SORCS2: variants seen among roughly 807,000 people sequenced by gnomAD.
SORCS2 encodes the protein sortilin related VPS10 domain containing receptor 2.
SORCS2 carries 100 observed loss-of-function variants against 141.6 expected under a neutral mutation model. The observed-to-expected ratio is 0.71, with a 90% CI of 0.60 to 0.83. The LOEUF (loss-of-function observed/expected upper bound fraction) is 0.83, where lower values mean the gene tolerates loss of function less well. Ranked by LOEUF, SORCS2 falls within the 40% of genes least tolerant of loss-of-function variation. SORCS2 has a pLI of 0.00. For missense variants in SORCS2, 1,646 were observed against 1,560.2 expected, an observed-to-expected ratio of 1.05 and a Z score of -0.93; for synonymous variants, 789 against 676.9, an observed-to-expected ratio of 1.17 and a Z score of -2.57.
At chr4:7,557,392 A>G (rs1170802935) in intron 3 of SORCS2, among the ~76,000 whole-genome samples, 2 of 152,196 alleles carry the variant, frequency 1.3e-5, no homozygotes, top group Admixed American at 6.5e-5. Flanking sequence ...CTGCTCTGGC[A>G]TTTGATTATT....
In SORCS2 at chr4:7,543,671, T is replaced by C. The variant is rs542572078; in HGVS notation, c.648+12042T>C. 2.2e-3 allele frequency among the ~76,000 whole-genome samples: 222 copies of C among 102,744 alleles called. 2 individuals carry two copies. The highest frequency in any genetic ancestry group is 7.6e-3 in the African/African-American group (204 of 26,834). 67.4% of individuals were successfully genotyped at this position (102,744 alleles called of 152,430 possible). A position where few individuals can be genotyped will look rare whatever the true frequency, so the allele number is the denominator to read the frequency against. ...GTCCATCCATCCACCCACCCATCCA[T>C]CCATCCACCCATCCACCCATCCACC... On this transcript the variant is annotated intron_variant, in intron 3 of 26. Transcript: ENST00000507866.
intron 3 of SORCS2, among the ~76,000 whole-genome samples, chr4:7,629,171 A>G (rs535165818): frequency 2.7e-4 from 41 of 152,334 alleles, no homozygotes; most frequent in African/African-American, 9.9e-4. Context: ...TGTGTGTCGT[A>G]TGTATGTATA....
intron 19 of SORCS2, among the ~76,000 whole-genome samples, chr4:7,724,105 AGTGGTGGTGATGGTGGTGGTG>A (rs1248885165): frequency 2.0e-4 from 27 of 136,064 alleles, no homozygotes; most frequent in African/African-American, 7.9e-4. Context: ...TATTGATGAT[AGTGGTGGTGATGGTGGTGGTG>A]GTGGTGGTGG....
intron 1 of SORCS2, among the ~76,000 whole-genome samples, chr4:7,357,470 T>C (rs1001620564): frequency 6.6e-6 from 1 of 152,130 alleles, no homozygotes; most frequent in Non-Finnish European, 1.5e-5. Context: ...CTGCTGGAGC[T>C]CTGGAGATGG....
intron 2 of SORCS2, among the ~76,000 whole-genome samples, chr4:7,447,066 C>A (rs1728048841): frequency 6.6e-6 from 1 of 152,224 alleles, no homozygotes; most frequent in Admixed American, 6.5e-5. Flanking sequence ...CCTTTACTGA[C>A]AAGTACTTTT....
At chr4:7,522,316 T>A (rs565423760) in intron 2 of SORCS2, among the ~76,000 whole-genome samples, 2 of 152,330 alleles carry the variant, frequency 1.3e-5, no homozygotes, top group African/African-American at 2.4e-5. Context: ...AAATCATTTT[T>A]AAGAAGTGAA....
At chr4:7,560,672 T>A (rs1714471045) in intron 3 of SORCS2, among the ~76,000 whole-genome samples, 1 of 152,154 alleles carries the variant, frequency 6.6e-6, no homozygotes, top group South Asian at 2.1e-4. Flanking sequence ...GGGGCTCAGA[T>A]GTCAGGACCA....
chr4:7,313,565 G>GGCTCTTTGGGCCC (rs1398168868), intron 1 of SORCS2, among the ~76,000 whole-genome samples: 2 of 152,202 alleles, frequency 1.3e-5, no homozygotes, highest in African/African-American at 4.8e-5. Context: ...GGGACAGACA[G>GGCTCTTTGGGCCC]AAAGACCTCT....
intron 1 of SORCS2, among the ~76,000 whole-genome samples, chr4:7,272,193 T>C (rs1379472203): frequency 6.6e-6 from 1 of 152,170 alleles, no homozygotes; most frequent in African/African-American, 2.4e-5. Flanking sequence ...TAAGATAGTA[T>C]TAAAAGGCTG....
chr4:7,579,500 G>C (rs1039047210), intron 3 of SORCS2, among the ~76,000 whole-genome samples: 1 of 152,130 alleles, frequency 6.6e-6, no homozygotes, highest in Non-Finnish European at 1.5e-5. Context: ...CCATCAAGTG[G>C]AGGAGCCAGG....
At chr4:7,733,943 A>G (rs1460837890) in intron 24 of SORCS2, among the ~76,000 whole-genome samples, 1 of 152,142 alleles carries the variant, frequency 6.6e-6, no homozygotes, top group Non-Finnish European at 1.5e-5. Context: ...CAGCCACATC[A>G]GGAGCGCCGG....
chr4:7,614,232 C>G (rs1258805116), intron 3 of SORCS2, among the ~76,000 whole-genome samples: 1 of 150,342 alleles, frequency 6.7e-6, no homozygotes, highest in Non-Finnish European at 1.5e-5. Flanking sequence ...TCCATTCCCC[C>G]ATAATCCACC....
intron 1 of SORCS2, among the ~76,000 whole-genome samples, chr4:7,320,810 G>A (rs1218709837): frequency 6.6e-6 from 1 of 152,218 alleles, no homozygotes; most frequent in East Asian, 1.9e-4. Context: ...ATTCACACTC[G>A]CTCAGTTCAT....
At chr4:7,554,344 G>T (rs1239193444) in intron 3 of SORCS2, among the ~76,000 whole-genome samples, 1 of 152,032 alleles carries the variant, frequency 6.6e-6, no homozygotes, top group Non-Finnish European at 1.5e-5. Flanking sequence ...TGAGGAGGAG[G>T]CCACCTAGGA....
At chr4:7,544,707 G>A (rs1415105022) in intron 3 of SORCS2, among the ~76,000 whole-genome samples, 2 of 152,226 alleles carry the variant, frequency 1.3e-5, no homozygotes, top group African/African-American at 2.4e-5. Flanking sequence ...CTATGGGTGA[G>A]CTAGTTCAGG....
chr4:7,410,772 G>T (rs940304938), intron 2 of SORCS2, among the ~76,000 whole-genome samples: 6 of 152,036 alleles, frequency 3.9e-5, no homozygotes, highest in African/African-American at 1.5e-4. Context: ...CAGGGTTACA[G>T]TGTATTCAAT....
intron 4 of SORCS2, among the ~76,000 whole-genome samples, chr4:7,650,209 G>A (rs749873742): frequency 6.6e-6 from 1 of 152,188 alleles, no homozygotes; most frequent in Non-Finnish European, 1.5e-5. Context: ...CAATTGCTGC[G>A]AGCCTCCATC....
chr4:7,702,463 A>ACCCC (rs1432087897), intron 12 of SORCS2, among the ~76,000 whole-genome samples: 1 of 151,898 alleles, frequency 6.6e-6, no homozygotes, highest in Non-Finnish European at 1.5e-5. Flanking sequence ...CATACCCTCC[A>ACCCC]CCCCTCAGAG....
intron 2 of SORCS2, among the ~76,000 whole-genome samples, chr4:7,510,118 T>G (rs1185151184): frequency 6.6e-6 from 1 of 152,250 alleles, no homozygotes; most frequent in Non-Finnish European, 1.5e-5. Flanking sequence ...TGTGGCGATG[T>G]CTTGTGAAGT....
Sources: allele counts gnomAD v4.1 joint callset (sites outside exome capture counted in the v4.1 genomes callset), GRCh38; gene constraint gnomAD v4.1.1; transcripts MANE v1.5; gene names NCBI Gene and HGNC (gene_info 2026-07-23, HGNC 2026-07-21).